CSMD1: variants seen among roughly 807,000 people sequenced by gnomAD.
CSMD1 encodes the protein CUB and sushi domain-containing protein 1.
Under a neutral mutation model 417.5 loss-of-function variants are expected in CSMD1, and 213 were observed. The observed-to-expected ratio is 0.51, with a 90% confidence interval of 0.46 to 0.57. CSMD1 has a LOEUF of 0.57. CSMD1 is among the 20% of genes least tolerant of loss of function. The pLI, the probability that CSMD1 is intolerant of heterozygous loss-of-function variation, is 0.00. For missense variants in CSMD1, 6,923 were observed against 4,529.7 expected (o/e 1.53, Z -15.17); for synonymous variants, 2,862 against 1,736.8 (o/e 1.65, Z -16.11).
intron 3 of CSMD1, among the ~76,000 whole-genome samples, chr8:4,388,561 G>T (rs950697419): frequency 6.6e-6 from 1 of 150,486 alleles, no homozygotes; most frequent in East Asian, 1.9e-4. Flanking sequence ...GGGGAAGGGT[G>T]GGGGGGTGAT....
At chr8:3,754,856 G>C (rs1019719040) in intron 5 of CSMD1, among the ~76,000 whole-genome samples, 2 of 152,318 alleles carry the variant, frequency 1.3e-5, no homozygotes, top group East Asian at 1.9e-4. Context: ...GCAGGACTAA[G>C]AACCTGGGCC....
intron 1 of CSMD1, among the ~76,000 whole-genome samples, chr8:4,791,076 G>C (rs984691126): frequency 2.0e-5 from 3 of 152,072 alleles, no homozygotes; most frequent in Non-Finnish European, 4.4e-5. Context: ...GACGGTGAGA[G>C]AGACGGTGAG....
At chr8:4,564,935 C>G (rs769885853) in intron 2 of CSMD1, among the ~76,000 whole-genome samples, 7 of 152,154 alleles carry the variant, frequency 4.6e-5, no homozygotes, top group Non-Finnish European at 8.8e-5. Flanking sequence ...AGCGGCTTTT[C>G]TAGTGTTATG....
chr8:4,528,644 A>C (rs2130440846), intron 2 of CSMD1, among the ~76,000 whole-genome samples: 1 of 152,334 alleles, frequency 6.6e-6, no homozygotes, highest in African/African-American at 2.4e-5. Flanking sequence ...TTTATGGCAT[A>C]GATTGCAGCA....
At chr8:4,435,068 T>A (rs1798078347) in intron 2 of CSMD1, among the ~76,000 whole-genome samples, 1 of 152,080 alleles carries the variant, frequency 6.6e-6, no homozygotes. Flanking sequence ...GTGTAATATA[T>A]CGGTGTAATA....
chr8:3,615,422 A>T (rs1287895997), intron 8 of CSMD1, among the ~76,000 whole-genome samples: 1 of 152,208 alleles, frequency 6.6e-6, no homozygotes, highest in Non-Finnish European at 1.5e-5. Flanking sequence ...AAATCACTTC[A>T]ATAAGAAATT....
intron 1 of CSMD1, among the ~76,000 whole-genome samples, chr8:4,925,934 A>G (rs1806837001): frequency 1.3e-5 from 2 of 152,146 alleles, no homozygotes; most frequent in Admixed American, 1.3e-4. Context: ...CATTTGATGC[A>G]TTTCCAGCCA....
At chr8:4,787,946 T>C in intron 1 of CSMD1, 2 of 1,595,104 alleles carry the variant, frequency 1.3e-6, no homozygotes. Context: ...TTGACAATGA[T>C]TCCTGGAGAC....
chr8:4,875,828 C>G (rs1430400099), intron 1 of CSMD1, among the ~76,000 whole-genome samples: 1 of 151,928 alleles, frequency 6.6e-6, no homozygotes, highest in Non-Finnish European at 1.5e-5. Context: ...GAGACAGACA[C>G]ACACACACAC....
intron 3 of CSMD1, among the ~76,000 whole-genome samples, chr8:4,256,942 G>T (rs145364341): frequency 9.9e-4 from 150 of 152,264 alleles, no homozygotes; most frequent in African/African-American, 3.2e-3. Flanking sequence ...TCCCTCCGTG[G>T]GCTGCTGACC....
intron 1 of CSMD1, among the ~76,000 whole-genome samples, chr8:4,811,836 TC>T (rs200497766): frequency 6.4e-4 from 98 of 152,230 alleles, no homozygotes; most frequent in African/African-American, 9.6e-4. Context: ...TGATTTTTTT[TC>T]TTCTATGAGA....
At chr8:4,642,318 C>T (rs905611392) in intron 1 of CSMD1, among the ~76,000 whole-genome samples, 2 of 152,168 alleles carry the variant, frequency 1.3e-5, no homozygotes, top group African/African-American at 4.8e-5. Context: ...CTCAGAAACA[C>T]CCAGCTTAGA....
chr8:4,062,752 G>A (rs1023133822), intron 3 of CSMD1, among the ~76,000 whole-genome samples: 3 of 151,000 alleles, frequency 2.0e-5, no homozygotes, highest in African/African-American at 7.3e-5. Flanking sequence ...AAAAAAGGCA[G>A]GTTCTGCATG....
intron 25 of CSMD1, among the ~76,000 whole-genome samples, chr8:3,305,461 C>T (rs930244890): frequency 1.3e-5 from 2 of 150,994 alleles, no homozygotes; most frequent in African/African-American, 4.8e-5. Context: ...GCTGGGCCCT[C>T]ATGAAGGGAT....
chr8:4,399,552 T>C (rs1158214868), intron 3 of CSMD1, among the ~76,000 whole-genome samples: 1 of 152,154 alleles, frequency 6.6e-6, no homozygotes, highest in Non-Finnish European at 1.5e-5. Flanking sequence ...GCCACCTAAC[T>C]GGCATAATCC....
intron 10 of CSMD1, among the ~76,000 whole-genome samples, chr8:3,540,451 C>G (rs1488765766): frequency 1.3e-5 from 2 of 152,134 alleles, no homozygotes; most frequent in Non-Finnish European, 2.9e-5. Flanking sequence ...CAAGGCAATA[C>G]TATTCAGGAC....
intron 3 of CSMD1, among the ~76,000 whole-genome samples, chr8:4,222,022 A>G (rs1801060815): frequency 1.4e-5 from 2 of 144,416 alleles, no homozygotes; most frequent in East Asian, 4.1e-4. Flanking sequence ...AAACCTGTAC[A>G]TTTTAGTTCT....
chr8:4,653,958 G>A (rs1047075144), intron 1 of CSMD1, among the ~76,000 whole-genome samples: 6 of 151,918 alleles, frequency 3.9e-5, no homozygotes, highest in Admixed American at 2.6e-4. Context: ...TTTTAGGATT[G>A]GATTGGTTTC....
At chr8:3,748,985 G>C (rs973198480) in intron 6 of CSMD1, among the ~76,000 whole-genome samples, 1 of 152,156 alleles carries the variant, frequency 6.6e-6, no homozygotes, top group Non-Finnish European at 1.5e-5. Context: ...AAATCAATGG[G>C]AATTTCATTT....
Sources: allele counts gnomAD v4.1 joint callset (sites outside exome capture counted in the v4.1 genomes callset), GRCh38; gene constraint gnomAD v4.1.1; transcripts MANE v1.5; gene names NCBI Gene and HGNC (gene_info 2026-07-23, HGNC 2026-07-21).